The following ARHGAP18 variants were observed in gnomAD, a reference collection of about 807,000 sequenced individuals.
ARHGAP18 encodes rho GTPase-activating protein 18.
A neutral mutation model predicts 86.2 loss-of-function variants in ARHGAP18; 67 were observed. The ratio of observed to expected loss-of-function variants is 0.78; its 90% CI spans 0.64 to 0.95. The LOEUF (loss-of-function observed/expected upper bound fraction) is 0.95, where lower values mean the gene tolerates loss of function less well. Ranked by LOEUF, ARHGAP18 falls within the 40% of genes least tolerant of loss-of-function variation. The pLI is 0.00. For synonymous variants in ARHGAP18, 283 were observed against 280.4 expected (o/e 1.01, Z -0.09); for missense variants, 691 against 780.4 (o/e 0.89, Z 1.37).
intron 10 of ARHGAP18, among the ~76,000 whole-genome samples, chr6:129,601,345 A>G (rs1788739205): frequency 6.6e-6 from 1 of 152,136 alleles, no homozygotes; most frequent in Non-Finnish European, 1.5e-5. Context: ...ATGGTGGTGC[A>G]TACCTGTAGT....
chr6:129,698,682 C>T lies in ARHGAP18; in HGVS notation c.113+11342G>A, dbSNP rs969731282. Among the ~76,000 whole-genome samples the T allele has an allele frequency of 4.2e-5, 6 of 142,914 alleles. No homozygotes were observed. The South Asian group carries it at 1.4e-3, about 34-fold the overall frequency. 93.8% of individuals were successfully genotyped at this position (142,914 alleles called of 152,430 possible). A position where few individuals can be genotyped will look rare whatever the true frequency, so the allele number is the denominator to read the frequency against. On this transcript the variant is annotated intron_variant, in intron 1 of 14. Transcript: ENST00000368149. Reference sequence around the variant, plus strand: ...TCAGCCTCCCGAGTAGCGTGTACCACCACGCCCAGTTTTTTTTTTTTTTTT... The same window carrying T: ...TCAGCCTCCCGAGTAGCGTGTACCATCACGCCCAGTTTTTTTTTTTTTTTT...
At chr6:129,688,426 A>T (rs1345767899) in intron 1 of ARHGAP18, among the ~76,000 whole-genome samples, 1 of 152,234 alleles carries the variant, frequency 6.6e-6, no homozygotes, top group Non-Finnish European at 1.5e-5. Flanking sequence ...CATCCTTAGT[A>T]GAAAACATGG....
chr6:129,614,486 G>A (rs1250015557), intron 7 of ARHGAP18, among the ~76,000 whole-genome samples: 1 of 152,142 alleles, frequency 6.6e-6, no homozygotes, highest in Non-Finnish European at 1.5e-5. Context: ...GCCAGAGTCT[G>A]CAGAATGTTA....
chr6:129,623,300 T>G (rs549378119), intron 5 of ARHGAP18, among the ~76,000 whole-genome samples: 1 of 152,174 alleles, frequency 6.6e-6, no homozygotes, highest in African/African-American at 2.4e-5. Context: ...CTAACATGTT[T>G]CCATGTATGA....
chr6:129,683,111 A>G (rs575146969), intron 1 of ARHGAP18, among the ~76,000 whole-genome samples: 149 of 144,038 alleles, frequency 1.0e-3, no homozygotes, highest in Middle Eastern at 7.6e-3. Context: ...TCGCTGTGTC[A>G]CCCAGGCTGG....
At chr6:129,626,065 T>TACACACACACACACACACACACAC (rs71028169) in intron 5 of ARHGAP18, among the ~76,000 whole-genome samples, 2 of 101,540 alleles carry the variant, frequency 2.0e-5, no homozygotes, top group East Asian at 2.6e-4. Context: ...TATACACATA[T>TACACACACACACACACACACACAC]ACACACACAC....
chr6:129,664,939 G>C (rs1774011194), intron 1 of ARHGAP18, among the ~76,000 whole-genome samples: 1 of 152,160 alleles, frequency 6.6e-6, no homozygotes, highest in Admixed American at 6.5e-5. Context: ...TGGGGGAAGG[G>C]GATAGCGGGC....
At chr6:129,675,677 T>C (rs1402809060) in intron 1 of ARHGAP18, among the ~76,000 whole-genome samples, 1 of 152,162 alleles carries the variant, frequency 6.6e-6, no homozygotes, top group Non-Finnish European at 1.5e-5. Flanking sequence ...AACAGCTGGG[T>C]TCCCAGCCCT....
At chr6:129,702,358 A>C (rs1562729855) in intron 1 of ARHGAP18, among the ~76,000 whole-genome samples, 2 of 152,054 alleles carry the variant, frequency 1.3e-5, no homozygotes, top group East Asian at 3.9e-4. Flanking sequence ...CAATACCCTG[A>C]CTCATCCCCA....
chr6:129,644,358 G>A (rs1018144715), intron 1 of ARHGAP18, among the ~76,000 whole-genome samples: 2 of 152,076 alleles, frequency 1.3e-5, no homozygotes, highest in Non-Finnish European at 2.9e-5. Context: ...ATGTAAATGA[G>A]AAAGTCATCC....
At chr6:129,609,005 GAAA>G (rs75073976) in intron 8 of ARHGAP18, among the ~76,000 whole-genome samples, 1 of 141,768 alleles carries the variant, frequency 7.1e-6, no homozygotes, top group Non-Finnish European at 1.5e-5. Flanking sequence ...GGAGGAAGAG[GAAA>G]AAAAAAAGAG....
intron 1 of ARHGAP18, among the ~76,000 whole-genome samples, chr6:129,678,507 A>G (rs1774272734): frequency 1.3e-5 from 2 of 152,228 alleles, no homozygotes; most frequent in Non-Finnish European, 2.9e-5. Flanking sequence ...AACCATGTAA[A>G]AGGTATCTGG....
chr6:129,611,683 C>T, intron 7 of ARHGAP18, 73 bp from the exon 8 acceptor site: 1 of 1,292,850 alleles, frequency 7.7e-7, no homozygotes, highest in South Asian at 1.2e-5. Flanking sequence ...ACATCTGTTT[C>T]ACATATAAAT....
chr6:129,709,823 TAATC>T (rs1182892677), intron 1 of ARHGAP18, among the ~76,000 whole-genome samples, 197 bp downstream of exon 1: 2 of 152,234 alleles, frequency 1.3e-5, no homozygotes, highest in African/African-American at 4.8e-5. Context: ...TCTTCACCAG[TAATC>T]ATATGGGTTA....
chr6:129,669,766 C>G (rs1402541082), intron 1 of ARHGAP18, among the ~76,000 whole-genome samples: 1 of 147,430 alleles, frequency 6.8e-6, no homozygotes, highest in African/African-American at 2.5e-5. Context: ...GCCTGGGGAA[C>G]AAGAGTGAAA....
intron 5 of ARHGAP18, among the ~76,000 whole-genome samples, chr6:129,625,932 A>ATTATATATTATATAT (rs1285384241): frequency 4.0e-5 from 4 of 100,718 alleles, no homozygotes; most frequent in Non-Finnish European, 5.6e-5. Context: ...ATATTTATAT[A>ATTATATATTATATAT]TTATATATTA....
intron 3 of ARHGAP18, 108 bp downstream of exon 3, chr6:129,638,286 C>T: frequency 9.0e-7 from 1 of 1,111,748 alleles, no homozygotes; most frequent in Non-Finnish European, 1.3e-6. Context: ...TGGTGCCTGG[C>T]ATAGAATAGG....
At chr6:129,602,664 C>T (rs1323631043) in intron 10 of ARHGAP18, among the ~76,000 whole-genome samples, 1 of 151,942 alleles carries the variant, frequency 6.6e-6, no homozygotes, top group African/African-American at 2.4e-5. Flanking sequence ...GTAATCCAAG[C>T]ATAAAGTTAT....
chr6:129,694,696 C>A (rs1774584412), intron 1 of ARHGAP18, among the ~76,000 whole-genome samples: 1 of 152,214 alleles, frequency 6.6e-6, no homozygotes. Flanking sequence ...CATATATCCT[C>A]TTAGCTGACA....
Sources: allele counts gnomAD v4.1 joint callset (sites outside exome capture counted in the v4.1 genomes callset), GRCh38; gene constraint gnomAD v4.1.1; transcripts MANE v1.5; gene names NCBI Gene and HGNC (gene_info 2026-07-23, HGNC 2026-07-21).